Variants in GRID1 observed in about 807,000 individuals in gnomAD.
GRID1 encodes the protein glutamate receptor ionotropic, delta-1.
In GRID1, 28 loss-of-function variants were observed where a neutral mutation model predicts 98.0. The ratio of observed to expected loss-of-function variants is 0.29; its 90% CI spans 0.21 to 0.39. GRID1 has a LOEUF of 0.39. Among genes scored for constraint, GRID1 ranks in the 10% least tolerant of loss-of-function variants. The probability of loss-of-function intolerance (pLI) is 1.00; values close to 1 mark genes in which losing one functional copy is unlikely to be tolerated. For synonymous variants in GRID1, 553 were observed against 538.5 expected (o/e 1.03, Z -0.37); for missense variants, 1,111 against 1,340.5 (o/e 0.83, Z 2.67).
chr10:85,831,514 T>C (rs1051182531), intron 8 of GRID1, among the ~76,000 whole-genome samples: 3 of 151,942 alleles, frequency 2.0e-5, no homozygotes, highest in Admixed American at 1.3e-4. Context: ...TAAAATGAGA[T>C]ACCGTCTTTT....
chr10:86,353,733 T>C lies in GRID1; in HGVS notation c.235+10208A>G, dbSNP rs1165887498. On this transcript the variant is annotated intron_variant, in intron 2 of 15. Coordinates refer to ENST00000327946, the MANE Select transcript of GRID1 (RefSeq NM_017551.3). ...GCCCAGGCTGGCAAACTGCAGGACT[T>C]GGGGACGGCCCACGGGGTTGTTTTA... is the stretch of plus-strand genomic sequence containing the variant. Among the ~76,000 whole-genome samples the C allele has an allele frequency of 2.6e-5, 4 of 152,116 alleles. No individual in the cohort carries two copies. The East Asian group carries it at 7.7e-4, about 29-fold the overall frequency.
intron 4 of GRID1, among the ~76,000 whole-genome samples, chr10:85,932,224 A>G (rs1247766914): frequency 1.3e-5 from 2 of 151,976 alleles, no homozygotes; most frequent in Non-Finnish European, 2.9e-5. Context: ...CCACTTTTTT[A>G]AAAATTGAGA....
chr10:85,982,080 A>C (rs1207548180), intron 4 of GRID1, among the ~76,000 whole-genome samples: 3 of 152,086 alleles, frequency 2.0e-5, no homozygotes, highest in Non-Finnish European at 4.4e-5. Flanking sequence ...GGCATGTTTG[A>C]TAACCAAAAA....
chr10:85,735,884 G>T (rs1270259053), intron 8 of GRID1, among the ~76,000 whole-genome samples: 1 of 147,862 alleles, frequency 6.8e-6, no homozygotes, highest in Non-Finnish European at 1.5e-5. Context: ...AAGGATGGAG[G>T]GAGGGAAGGA....
chr10:85,623,998 C>A (rs1239683279), intron 13 of GRID1, among the ~76,000 whole-genome samples: 1 of 152,174 alleles, frequency 6.6e-6, no homozygotes, highest in Non-Finnish European at 1.5e-5. Flanking sequence ...AGTGTCACAA[C>A]AGATATTTAG....
chr10:86,078,281 A>C (rs541488080), intron 4 of GRID1, among the ~76,000 whole-genome samples: 1 of 152,366 alleles, frequency 6.6e-6, no homozygotes, highest in South Asian at 2.1e-4. Context: ...AATGGACAAC[A>C]CAATTGATCC....
chr10:86,155,606 G>C (rs1845233173), intron 3 of GRID1, among the ~76,000 whole-genome samples: 1 of 152,234 alleles, frequency 6.6e-6, no homozygotes, highest in Non-Finnish European at 1.5e-5. Flanking sequence ...CCAATTGTCT[G>C]TGGGTTAGCA....
chr10:86,022,408 G>A (rs1053251538), intron 4 of GRID1, among the ~76,000 whole-genome samples: 10 of 152,152 alleles, frequency 6.6e-5, no homozygotes, highest in African/African-American at 1.4e-4. Context: ...GGTGGCTCCT[G>A]CGTAGGACAG....
intron 4 of GRID1, among the ~76,000 whole-genome samples, chr10:85,988,089 A>G (rs1045293231): frequency 3.9e-5 from 6 of 152,152 alleles, no homozygotes; most frequent in Admixed American, 2.6e-4. Context: ...CCAATTATTC[A>G]TCTTATTCCT....
At chr10:85,800,989 A>C (rs542928070) in intron 8 of GRID1, among the ~76,000 whole-genome samples, 25 of 152,076 alleles carry the variant, frequency 1.6e-4, no homozygotes, top group Non-Finnish European at 2.5e-4. Flanking sequence ...AGAATAATAA[A>C]ATAGGCAAAC....
At chr10:85,694,087 C>T (rs148781412) in intron 12 of GRID1, among the ~76,000 whole-genome samples, 182 of 152,078 alleles carry the variant, frequency 1.2e-3, no homozygotes, top group African/African-American at 4.2e-3. Context: ...AACAACAAAG[C>T]AAAGAACCTC....
chr10:85,655,480 G>A (rs910955329), intron 12 of GRID1, among the ~76,000 whole-genome samples: 1 of 152,170 alleles, frequency 6.6e-6, no homozygotes, highest in Non-Finnish European at 1.5e-5. Flanking sequence ...ATGTTTTCTG[G>A]AAGAATGAAC....
At chr10:85,785,817 C>T (rs1842423347) in intron 8 of GRID1, among the ~76,000 whole-genome samples, 1 of 152,040 alleles carries the variant, frequency 6.6e-6, no homozygotes, top group Non-Finnish European at 1.5e-5. Context: ...GACAGATTGG[C>T]TCTCCTCCAC....
intron 13 of GRID1, chr10:85,646,139 G>GTGTGC (rs1843186918): frequency 2.4e-5 from 3 of 126,024 alleles, no homozygotes; most frequent in African/African-American, 9.8e-5. Flanking sequence ...TGTGTGTGTG[G>GTGTGC]CAAGGTGTTA....
At chr10:85,879,418 T>G (rs1840964391) in intron 5 of GRID1, among the ~76,000 whole-genome samples, 1 of 152,174 alleles carries the variant, frequency 6.6e-6, no homozygotes, top group Non-Finnish European at 1.5e-5. Context: ...TGTAACAAAC[T>G]GTCTCTCAGA....
chr10:85,675,942 TCA>T (rs1841140175), intron 12 of GRID1, among the ~76,000 whole-genome samples: 1 of 152,140 alleles, frequency 6.6e-6, no homozygotes, highest in Non-Finnish European at 1.5e-5. Context: ...AACTGAAGAT[TCA>T]GTCAGGCCCT....
At chr10:86,173,641 T>C (rs1426021258) in intron 3 of GRID1, among the ~76,000 whole-genome samples, 3 of 151,852 alleles carry the variant, frequency 2.0e-5, no homozygotes, top group Non-Finnish European at 4.4e-5. Context: ...TAGTTACATA[T>C]GTATACATGT....
chr10:85,872,339 G>T (rs1843286614), intron 5 of GRID1, among the ~76,000 whole-genome samples: 1 of 152,166 alleles, frequency 6.6e-6, no homozygotes, highest in Admixed American at 6.5e-5. Context: ...AGAGGAATTG[G>T]ATGTGTCTCA....
In GRID1 at chr10:86,068,910, G is replaced by A. The variant is rs189955288; in HGVS notation, c.726+69909C>T. Among the ~76,000 whole-genome samples, 9 of 152,134 alleles carry A rather than the reference G, an allele frequency of 5.9e-5. No homozygotes were observed. In the East Asian group the frequency reaches 9.7e-4, roughly 16 times the overall value. On this transcript the variant is annotated intron_variant, in intron 4 of 15. Transcript: ENST00000327946. ...GAGGAAAGAGAGGCTCCTTTCTCAC[G>A]GGCTTGCCATTCTGCCTCCAATCAC...
Sources: gnomAD v4.1 joint callset for allele counts (sites outside exome capture counted in the v4.1 genomes callset) on GRCh38, gnomAD v4.1.1 for gene constraint, MANE v1.5 for transcripts, NCBI Gene and HGNC (gene_info 2026-07-23, HGNC 2026-07-21) for gene names.